SMPD3: variants seen among roughly 807,000 people sequenced by gnomAD.
The protein encoded by SMPD3 is nSMase-2.
Under a neutral mutation model 55.7 loss-of-function variants are expected in SMPD3, and 21 were observed. The observed-to-expected ratio is 0.38, with a 90% CI of 0.27 to 0.54. SMPD3 has a LOEUF of 0.54. Ranked by LOEUF, SMPD3 falls within the 20% of genes least tolerant of loss-of-function variation. The probability of loss-of-function intolerance (pLI) is 0.80; values close to 1 mark genes in which losing one functional copy is unlikely to be tolerated. For synonymous variants in SMPD3, 457 were observed against 404.3 expected (o/e 1.13, Z -1.56); for missense variants, 842 against 899.6 (o/e 0.94, Z 0.82).
chr16:68,413,218 G>C (rs908555451), intron 1 of SMPD3, among the ~76,000 whole-genome samples: 2 of 152,234 alleles, frequency 1.3e-5, no homozygotes, highest in African/African-American at 2.4e-5. Flanking sequence ...TCAGCTCACT[G>C]TGGGGACCGA....
chr16:68,363,086 G>A (rs2089362994), intron 7 of SMPD3, among the ~76,000 whole-genome samples: 3 of 152,198 alleles, frequency 2.0e-5, no homozygotes, highest in Admixed American at 2.0e-4. Context: ...GCTGGTGTCT[G>A]TATTTGCCTG....
intron 2 of SMPD3, among the ~76,000 whole-genome samples, chr16:68,377,510 G>T (rs1002518161): frequency 6.6e-6 from 1 of 152,212 alleles, no homozygotes; most frequent in Admixed American, 6.5e-5. Flanking sequence ...AGGCATCACG[G>T]CACGGACAGT....
chr16:68,385,726 G>C (rs2090043362), intron 2 of SMPD3, among the ~76,000 whole-genome samples: 1 of 152,156 alleles, frequency 6.6e-6, no homozygotes, highest in East Asian at 1.9e-4. Flanking sequence ...GGGGTCACTA[G>C]TTTCTGCTTT....
intron 1 of SMPD3, among the ~76,000 whole-genome samples, chr16:68,445,330 TG>T (rs1218359102): frequency 6.6e-6 from 1 of 152,212 alleles, no homozygotes; most frequent in Admixed American, 6.5e-5. Flanking sequence ...TCTTTGGCCT[TG>T]ATAAGTGTTT....
intron 1 of SMPD3, among the ~76,000 whole-genome samples, chr16:68,440,257 T>C (rs1457049075): frequency 6.6e-6 from 1 of 152,202 alleles, no homozygotes; most frequent in Non-Finnish European, 1.5e-5. Flanking sequence ...AGTACAGTGG[T>C]GCAATGTTGG....
At chr16:68,446,239 G>C (rs2090608479) in intron 1 of SMPD3, among the ~76,000 whole-genome samples, 1 of 152,190 alleles carries the variant, frequency 6.6e-6, no homozygotes, top group African/African-American at 2.4e-5. Context: ...TGGTGAGTAT[G>C]TCAGGGTCAG....
intron 1 of SMPD3, among the ~76,000 whole-genome samples, chr16:68,396,009 C>T (rs891657085): frequency 6.6e-6 from 1 of 152,100 alleles, no homozygotes; most frequent in African/African-American, 2.4e-5. Context: ...CCTGCCCTTC[C>T]AGCCTCAGCG....
chr16:68,405,545 C>CAAAAAAAAAAAAAAAAAAAAAAA, intron 1 of SMPD3, among the ~76,000 whole-genome samples: 1 of 72,980 alleles, frequency 1.4e-5, no homozygotes, highest in Non-Finnish European at 2.7e-5. Flanking sequence ...GACCCTGTCT[C>CAAAAAAAAAAAAAAAAAAAAAAA]AAAAAAAAAA....
At chr16:68,434,982 G>A (rs2090510826) in intron 1 of SMPD3, among the ~76,000 whole-genome samples, 1 of 152,202 alleles carries the variant, frequency 6.6e-6, no homozygotes, top group East Asian at 1.9e-4. Context: ...AGGTGCCCCA[G>A]TGCTTCCTGC....
At chr16:68,394,334 T>G (rs1177711977) in intron 1 of SMPD3, among the ~76,000 whole-genome samples, 1 of 152,224 alleles carries the variant, frequency 6.6e-6, no homozygotes, top group Non-Finnish European at 1.5e-5. Flanking sequence ...CATCACTAAT[T>G]TCTTTGTTGT....
chr16:68,371,131 C>T lies in SMPD3; in HGVS notation c.1051G>A (p.Ala351Thr), dbSNP rs376855372. The T allele has an allele frequency of 8.7e-6, 14 of 1,613,790 alleles. No homozygotes were observed. Among genetic ancestry groups the T allele is most frequent in the African/African-American group, 2.7e-5 (2 of 74,936 alleles). ...AAGTCCAGGTTGGCGGGGAAGAAGG[C>T]GGAGACCTCATGGTCGAAGGCCTCG... is the stretch of plus-strand genomic sequence containing the variant. ...PDEAFDHEVS[A>T]FFPANLDFLC... The change falls in exon 3 of 9, where the codon GCC becomes ACC. Residue 351 changes from alanine (A) to threonine (T), a missense_variant. Physicochemically the swap from Ala to Thr is moderately conservative, Grantham distance 58 (BLOSUM62 0). Transcript: ENST00000219334.
intron 1 of SMPD3, among the ~76,000 whole-genome samples, chr16:68,396,511 C>A (rs950527334): frequency 5.9e-5 from 9 of 152,192 alleles, no homozygotes; most frequent in Admixed American, 2.6e-4. Context: ...CCACCTGACA[C>A]CCCTCCTCCA....
chr16:68,414,145 G>A (rs1045028490), intron 1 of SMPD3, among the ~76,000 whole-genome samples: 1 of 152,206 alleles, frequency 6.6e-6, no homozygotes, highest in Non-Finnish European at 1.5e-5. Flanking sequence ...TGGGTGACCT[G>A]TGAAGTCCTT....
At chr16:68,413,938 A>G (rs914807589) in intron 1 of SMPD3, among the ~76,000 whole-genome samples, 9 of 152,240 alleles carry the variant, frequency 5.9e-5, no homozygotes, top group African/African-American at 2.2e-4. Context: ...GTGGACACTC[A>G]GAACCTTCTC....
At chr16:68,435,721 G>T (rs903798888) in intron 1 of SMPD3, among the ~76,000 whole-genome samples, 13 of 152,178 alleles carry the variant, frequency 8.5e-5, no homozygotes, top group Non-Finnish European at 1.3e-4. Flanking sequence ...TGCTGTCAGT[G>T]ATCCTCTGCC....
At chr16:68,433,538 G>C (rs1278396114) in intron 1 of SMPD3, among the ~76,000 whole-genome samples, 1 of 152,236 alleles carries the variant, frequency 6.6e-6, no homozygotes, top group Non-Finnish European at 1.5e-5. Flanking sequence ...CCAGGGCATG[G>C]CAGATGGGGT....
chr16:68,420,615 C>T (rs2090385534), intron 1 of SMPD3, among the ~76,000 whole-genome samples: 2 of 152,226 alleles, frequency 1.3e-5, no homozygotes, highest in South Asian at 4.1e-4. Context: ...CCTGCCTCCT[C>T]CAGCTAAGCT....
At chr16:68,423,588 G>A (rs952260459) in intron 1 of SMPD3, among the ~76,000 whole-genome samples, 2 of 152,152 alleles carry the variant, frequency 1.3e-5, no homozygotes, top group African/African-American at 2.4e-5. Flanking sequence ...TACATTTCTT[G>A]TCTTTCTAAA....
chr16:68,448,320 C>T (rs1166553554), intron 1 of SMPD3, 33 bp downstream of exon 1: 4 of 152,422 alleles, frequency 2.6e-5, no homozygotes, highest in African/African-American at 4.8e-5. Context: ...GCCCGCTCCC[C>T]AAGAAAACAA....
Sources: gnomAD v4.1 joint callset for allele counts (sites outside exome capture counted in the v4.1 genomes callset) on GRCh38, gnomAD v4.1.1 for gene constraint, MANE v1.5 for transcripts, NCBI Gene and HGNC (gene_info 2026-07-23, HGNC 2026-07-21) for gene names.